The following PTPRM variants were observed in gnomAD, a reference collection of about 807,000 sequenced individuals.
The protein encoded by PTPRM is receptor-type tyrosine-protein phosphatase mu.
PTPRM carries 47 observed loss-of-function variants against 186.7 expected under a neutral mutation model. The observed-to-expected ratio is 0.25, with a 90% CI of 0.20 to 0.32. The LOEUF (loss-of-function observed/expected upper bound fraction) is 0.32, where lower values mean the gene tolerates loss of function less well. Ranked by LOEUF, PTPRM falls within the 10% of genes least tolerant of loss-of-function variation. The pLI, the probability that PTPRM is intolerant of heterozygous loss-of-function variation, is 1.00. For missense variants in PTPRM, 1,494 were observed against 1,865.0 expected, an observed-to-expected ratio of 0.80 and a Z score of 3.66; for synonymous variants, 668 against 674.9, an observed-to-expected ratio of 0.99 and a Z score of 0.16.
At chr18:7,942,282 CAA>C (rs201157673) in intron 5 of PTPRM, among the ~76,000 whole-genome samples, 282 of 94,182 alleles carry the variant, frequency 3.0e-3, no homozygotes, top group Middle Eastern at 0.01. Context: ...GACTCCGTCT[CAA>C]AAAAAAAAAA....
chr18:8,038,222 T>C (rs2086460810), intron 7 of PTPRM, among the ~76,000 whole-genome samples: 1 of 152,116 alleles, frequency 6.6e-6, no homozygotes, highest in South Asian at 2.1e-4. Context: ...GGACTTGATC[T>C]CTGGAATTTA....
chr18:8,252,601 G>A, intron 18 of PTPRM, 102 bp downstream of exon 18: 1 of 1,164,400 alleles, frequency 8.6e-7, no homozygotes. Flanking sequence ...CTCTGTGCTG[G>A]CCTGCATGTT....
At chr18:7,993,179 A>G (rs1284319423) in intron 7 of PTPRM, among the ~76,000 whole-genome samples, 1 of 152,018 alleles carries the variant, frequency 6.6e-6, no homozygotes, top group Non-Finnish European at 1.5e-5. Context: ...CCAGTCAGAC[A>G]TAAATGAATG....
chr18:7,923,518 T>C (rs989948663), intron 4 of PTPRM, among the ~76,000 whole-genome samples: 1 of 152,166 alleles, frequency 6.6e-6, no homozygotes, highest in Admixed American at 6.5e-5. Context: ...GACAGATTAA[T>C]TGAAGAAAAG....
At chr18:8,099,041 G>T (rs1218593158) in intron 11 of PTPRM, among the ~76,000 whole-genome samples, 1 of 152,040 alleles carries the variant, frequency 6.6e-6, no homozygotes, top group Non-Finnish European at 1.5e-5. Context: ...CATTTTGTGG[G>T]TTTATTTTGC....
chr18:8,248,622 C>T (rs560298786), intron 17 of PTPRM, among the ~76,000 whole-genome samples: 6 of 152,146 alleles, frequency 3.9e-5, no homozygotes, highest in Admixed American at 1.3e-4. Flanking sequence ...TTAAAAGTAG[C>T]GTTTTTCTAA....
chr18:8,344,448 GTA>G (rs1207996603), intron 23 of PTPRM, among the ~76,000 whole-genome samples: 902 of 33,386 alleles, frequency 0.027, 15 homozygotes, highest in African/African-American at 0.064. Flanking sequence ...GTGTGTGTGT[GTA>G]TATATATATA....
intron 22 of PTPRM, among the ~76,000 whole-genome samples, chr18:8,337,608 AAC>A (rs2095447381): frequency 6.6e-6 from 1 of 152,228 alleles, no homozygotes; most frequent in Admixed American, 6.5e-5. Flanking sequence ...GTGCATGGAA[AAC>A]ACACTGGCAG....
At chr18:7,779,676 C>T (rs931037189) in intron 2 of PTPRM, among the ~76,000 whole-genome samples, 22 of 152,130 alleles carry the variant, frequency 1.4e-4, no homozygotes, top group African/African-American at 4.6e-4. Context: ...GAGAAGATGA[C>T]GGTGGGCTTG....
chr18:7,845,303 G>T lies in PTPRM; in HGVS notation c.197-42803G>T, dbSNP rs146061770. 3.0e-3 allele frequency among the ~76,000 whole-genome samples: 459 copies of T among 152,276 alleles called. 1 individual carries two copies. Among genetic ancestry groups the T allele is most frequent in the African/African-American group, 0.01 (435 of 41,560 alleles). The stretch of plus-strand genomic sequence containing the variant: ...TGTTCAAAATTGTTGCATTTCATGA[G>T]CTTGCATTTGCTAAGATGGATTAAT... On this transcript the variant is annotated intron_variant, in intron 2 of 32. Transcript: ENST00000580170.
chr18:8,196,246 A>G (rs992173908), intron 14 of PTPRM, among the ~76,000 whole-genome samples: 2 of 152,234 alleles, frequency 1.3e-5, no homozygotes, highest in African/African-American at 4.8e-5. Flanking sequence ...AGAAGTTCCA[A>G]GGTAAGCCTG....
chr18:8,005,681 A>T (rs1357599205), intron 7 of PTPRM, among the ~76,000 whole-genome samples: 2 of 149,974 alleles, frequency 1.3e-5, no homozygotes, highest in African/African-American at 2.5e-5. Context: ...CTCAGGGGTG[A>T]CCTCCCCTGT....
intron 20 of PTPRM, among the ~76,000 whole-genome samples, chr18:8,307,343 G>A (rs572993208): frequency 2.0e-4 from 31 of 152,282 alleles, no homozygotes; most frequent in Non-Finnish European, 3.5e-4. Flanking sequence ...CATGTCCCGC[G>A]TTCTCCACCC....
At chr18:7,864,509 A>G (rs1006875797) in intron 2 of PTPRM, among the ~76,000 whole-genome samples, 1 of 152,092 alleles carries the variant, frequency 6.6e-6, no homozygotes, top group East Asian at 1.9e-4. Context: ...ATGGTTGTAC[A>G]TGTGTGGTGT....
intron 7 of PTPRM, among the ~76,000 whole-genome samples, chr18:8,004,462 C>CT (rs1233351390): frequency 6.8e-6 from 1 of 148,006 alleles, no homozygotes; most frequent in Non-Finnish European, 1.5e-5. Flanking sequence ...ATCTAGTGAA[C>CT]TTTAAAAAAA....
intron 14 of PTPRM, among the ~76,000 whole-genome samples, chr18:8,206,201 G>A (rs2093925952): frequency 6.6e-6 from 1 of 151,858 alleles, no homozygotes. Context: ...GTGAGATGAG[G>A]GGGAGAGAGA....
chr18:7,972,411 T>G (rs1414339333), intron 7 of PTPRM, among the ~76,000 whole-genome samples: 1 of 115,688 alleles, frequency 8.6e-6, no homozygotes, highest in African/African-American at 4.1e-5. Context: ...TGTATACATA[T>G]GTAACTAACC....
At chr18:7,745,372 C>T (rs778398239) in intron 1 of PTPRM, among the ~76,000 whole-genome samples, 13 of 152,116 alleles carry the variant, frequency 8.5e-5, no homozygotes, top group Admixed American at 2.0e-4. Flanking sequence ...CTTTTTTCCT[C>T]AAGACTGAGT....
intron 2 of PTPRM, among the ~76,000 whole-genome samples, chr18:7,833,796 A>G (rs2045887185): frequency 6.6e-6 from 1 of 152,002 alleles, no homozygotes; most frequent in Admixed American, 6.6e-5. Context: ...AGCAATGCAT[A>G]TTGATTTTTG....
Sources: allele counts gnomAD v4.1 joint callset (sites outside exome capture counted in the v4.1 genomes callset), GRCh38; gene constraint gnomAD v4.1.1; transcripts MANE v1.5; gene names NCBI Gene and HGNC (gene_info 2026-07-23, HGNC 2026-07-21).